The following RNF150 variants were observed in gnomAD, a reference collection of about 807,000 sequenced individuals.
RNF150 encodes the protein ring finger protein 150.
RNF150 carries 24 observed loss-of-function variants against 39.3 expected under a neutral mutation model. That is an observed-to-expected ratio of 0.61 (90% CI 0.44 to 0.86). RNF150 has a LOEUF of 0.86. Ranked by LOEUF, RNF150 falls within the 40% of genes least tolerant of loss-of-function variation. The pLI is 0.00. For synonymous variants in RNF150, 255 were observed against 227.3 expected, an observed-to-expected ratio of 1.12 and a Z score of -1.10; for missense variants, 502 against 587.8, an observed-to-expected ratio of 0.85 and a Z score of 1.51.
intron 1 of RNF150, among the ~76,000 whole-genome samples, chr4:141,071,644 A>G (rs751720356): frequency 8.5e-5 from 13 of 152,192 alleles, no homozygotes; most frequent in South Asian, 4.1e-4. Context: ...ACATTCTCCA[A>G]TGAAAATACA....
intron 1 of RNF150, among the ~76,000 whole-genome samples, chr4:141,049,962 T>C (rs962499045): frequency 3.3e-5 from 5 of 152,050 alleles, no homozygotes; most frequent in African/African-American, 7.2e-5. Context: ...TACACATATA[T>C]GTATGTGTGT....
chr4:141,162,869 A>C (rs1368441910), intron 1 of RNF150, among the ~76,000 whole-genome samples: 1 of 152,126 alleles, frequency 6.6e-6, no homozygotes, highest in Non-Finnish European at 1.5e-5. Flanking sequence ...CAAGCACAAA[A>C]CTGGGTGGCC....
chr4:140,876,254 A>G (rs532905189), intron 6 of RNF150, among the ~76,000 whole-genome samples: 4 of 152,334 alleles, frequency 2.6e-5, no homozygotes, highest in South Asian at 2.1e-4. Flanking sequence ...GGCACTTTCA[A>G]CCACATTGGT....
chr4:141,092,733 T>C (rs569889642), intron 1 of RNF150, among the ~76,000 whole-genome samples: 5 of 152,070 alleles, frequency 3.3e-5, no homozygotes, highest in African/African-American at 9.6e-5. Context: ...ATTGTATTTT[T>C]AAACGGTCAA....
chr4:140,957,396 A>C (rs1017931182), intron 2 of RNF150, among the ~76,000 whole-genome samples: 19 of 152,048 alleles, frequency 1.2e-4, no homozygotes, highest in Non-Finnish European at 2.4e-4. Flanking sequence ...AAAAGTCAGG[A>C]AACAACAGGT....
chr4:141,104,402 T>C (rs367850917), intron 1 of RNF150, among the ~76,000 whole-genome samples: 1 of 152,264 alleles, frequency 6.6e-6, no homozygotes, highest in East Asian at 1.9e-4. Flanking sequence ...ATAAAGCTAA[T>C]GGTAGTCAGA....
chr4:141,004,873 G>A (rs1734807176), intron 1 of RNF150, among the ~76,000 whole-genome samples: 1 of 152,088 alleles, frequency 6.6e-6, no homozygotes, highest in African/African-American at 2.4e-5. Context: ...AGAAAGAATT[G>A]ACAAATCAGT....
At chr4:141,154,689 G>T (rs138018362) in intron 1 of RNF150, among the ~76,000 whole-genome samples, 6 of 152,260 alleles carry the variant, frequency 3.9e-5, no homozygotes, top group East Asian at 1.9e-4. Context: ...AGTGCAAAAA[G>T]AACATAAATT....
At chr4:141,004,347 G>A (rs1734790476) in intron 1 of RNF150, among the ~76,000 whole-genome samples, 1 of 152,162 alleles carries the variant, frequency 6.6e-6, no homozygotes, top group South Asian at 2.1e-4. Flanking sequence ...GTAGGGTTAG[G>A]AGTCAAGAAA....
chr4:141,052,418 C>T (rs966653082), intron 1 of RNF150, among the ~76,000 whole-genome samples: 4 of 152,136 alleles, frequency 2.6e-5, no homozygotes, highest in African/African-American at 9.7e-5. Flanking sequence ...CTCTGTTACC[C>T]AGGCTGGAGT....
intron 1 of RNF150, among the ~76,000 whole-genome samples, chr4:140,979,278 A>C (rs1733775635): frequency 6.6e-6 from 1 of 152,160 alleles, no homozygotes; most frequent in Admixed American, 6.6e-5. Flanking sequence ...GTGGAATCAC[A>C]GTATAGGAGA....
intron 1 of RNF150, among the ~76,000 whole-genome samples, chr4:141,109,011 A>C (rs1475502700): frequency 6.6e-6 from 1 of 152,204 alleles, no homozygotes; most frequent in East Asian, 1.9e-4. Flanking sequence ...GAATAATGAC[A>C]GTAACCCCAG....
intron 1 of RNF150, among the ~76,000 whole-genome samples, chr4:141,187,961 G>C (rs182106754): frequency 6.6e-6 from 1 of 152,116 alleles, no homozygotes; most frequent in Non-Finnish European, 1.5e-5. Context: ...TTATATTTTG[G>C]TATGTTTTTC....
chr4:140,982,945 C>A (rs1309151460), intron 1 of RNF150, among the ~76,000 whole-genome samples: 1 of 152,144 alleles, frequency 6.6e-6, no homozygotes, highest in Non-Finnish European at 1.5e-5. Context: ...CTTGTTCTGG[C>A]ATCGAATTTT....
At position 141,040,186 on chromosome 4, in the gene RNF150, T is replaced by C. The variant is rs1247482795; in HGVS notation, c.485-72313A>G. Among the ~76,000 whole-genome samples, 6 of 130,124 alleles carry C rather than the reference T, an allele frequency of 4.6e-5. No homozygotes were observed. In the South Asian group the frequency reaches 9.4e-4, roughly 20 times the overall value. The allele number at this position is 130,124 out of a possible 152,430, so 85.4% of individuals were successfully genotyped here. A position where few individuals can be genotyped will look rare whatever the true frequency, so the allele number is the denominator to read the frequency against. ...ACACAACCACACACACACACACACA[T>C]GTTGTAGAGCAAAATCAGGTAAAAC... is the stretch of plus-strand genomic sequence containing the variant. On this transcript the variant is annotated intron_variant, in intron 1 of 6. Transcript: ENST00000515673.
At chr4:140,976,625 C>T (rs1337968967) in intron 1 of RNF150, among the ~76,000 whole-genome samples, 1 of 151,942 alleles carries the variant, frequency 6.6e-6, no homozygotes, top group African/African-American at 2.4e-5. Flanking sequence ...TCTCTTTGCT[C>T]AGTCATGCCC....
intron 6 of RNF150, among the ~76,000 whole-genome samples, chr4:140,894,533 T>C (rs938115615): frequency 6.6e-6 from 1 of 152,182 alleles, no homozygotes; most frequent in Non-Finnish European, 1.5e-5. Flanking sequence ...CTTTTTAAAC[T>C]CCATAAATAT....
intron 1 of RNF150, among the ~76,000 whole-genome samples, chr4:141,044,752 A>C (rs371019992): frequency 2.9e-4 from 42 of 146,010 alleles, no homozygotes; most frequent in African/African-American, 1.1e-3. Flanking sequence ...TAAAGAGCTC[A>C]TGCATGCGGG....
At chr4:140,945,549 C>T (rs1172633061) in intron 4 of RNF150, among the ~76,000 whole-genome samples, 1 of 141,756 alleles carries the variant, frequency 7.1e-6, no homozygotes. Context: ...TACATATATA[C>T]ACTACATATA....
Sources: gnomAD v4.1 joint callset for allele counts (sites outside exome capture counted in the v4.1 genomes callset) on GRCh38, gnomAD v4.1.1 for gene constraint, MANE v1.5 for transcripts, NCBI Gene and HGNC (gene_info 2026-07-23, HGNC 2026-07-21) for gene names.